TBC1D22A: variants seen among roughly 807,000 people sequenced by gnomAD.
TBC1D22A encodes the protein putative GTPase activator.
Under a neutral mutation model 60.2 loss-of-function variants are expected in TBC1D22A, and 38 were observed. The ratio of observed to expected loss-of-function variants is 0.63; its 90% confidence interval spans 0.49 to 0.83. The LOEUF (loss-of-function observed/expected upper bound fraction) is 0.83, where lower values mean the gene tolerates loss of function less well. Ranked by LOEUF, TBC1D22A falls within the 40% of genes least tolerant of loss-of-function variation. The pLI is 0.00. For synonymous variants in TBC1D22A, 302 were observed against 281.7 expected, an observed-to-expected ratio of 1.07 and a Z score of -0.72; for missense variants, 628 against 701.0, an observed-to-expected ratio of 0.90 and a Z score of 1.18.
intron 11 of TBC1D22A, among the ~76,000 whole-genome samples, chr22:47,095,597 C>T (rs1225936941): frequency 6.7e-6 from 1 of 148,842 alleles, no homozygotes; most frequent in African/African-American, 2.5e-5. Context: ...TAAGAGAACT[C>T]ATGTGGTAAG....
At chr22:46,833,890 G>C (rs1184060357) in intron 4 of TBC1D22A, among the ~76,000 whole-genome samples, 1 of 152,242 alleles carries the variant, frequency 6.6e-6, no homozygotes, top group Non-Finnish European at 1.5e-5. Flanking sequence ...ATAGGCCAGG[G>C]TGCAAGGACT....
chr22:47,121,488 A>G (rs1388325626), intron 12 of TBC1D22A, among the ~76,000 whole-genome samples: 1 of 152,220 alleles, frequency 6.6e-6, no homozygotes, highest in Non-Finnish European at 1.5e-5. Context: ...ATCTTCAAGT[A>G]ATATTTACTG....
chr22:47,147,008 T>C (rs1328330420), intron 12 of TBC1D22A, among the ~76,000 whole-genome samples: 2 of 152,116 alleles, frequency 1.3e-5, no homozygotes, highest in Non-Finnish European at 2.9e-5. Flanking sequence ...TGCACTGACA[T>C]GGTTGGGGAG....
intron 10 of TBC1D22A, among the ~76,000 whole-genome samples, chr22:47,008,760 G>A (rs2061661911): frequency 1.3e-5 from 2 of 152,212 alleles, no homozygotes; most frequent in African/African-American, 2.4e-5. Context: ...ATTGAGAGAG[G>A]CAGGAGAGCC....
intron 7 of TBC1D22A, among the ~76,000 whole-genome samples, chr22:46,904,134 T>TCTAC (rs1555937422): frequency 4.5e-5 from 3 of 66,510 alleles, no homozygotes; most frequent in African/African-American, 2.2e-4. Flanking sequence ...TATCTATCTA[T>TCTAC]CTATCTATCT....
chr22:46,979,957 A>G (rs2074448973), intron 9 of TBC1D22A, among the ~76,000 whole-genome samples: 1 of 152,068 alleles, frequency 6.6e-6, no homozygotes, highest in Non-Finnish European at 1.5e-5. Flanking sequence ...TCCCATGGGA[A>G]GAGGCATCTG....
intron 8 of TBC1D22A, among the ~76,000 whole-genome samples, chr22:46,933,073 C>G (rs148075139): frequency 7.8e-4 from 118 of 152,224 alleles, no homozygotes; most frequent in Middle Eastern, 6.8e-3. Context: ...GAGCAGGTAG[C>G]TTGCTGGCTG....
chr22:47,083,569 C>T (rs1269974629), intron 11 of TBC1D22A, among the ~76,000 whole-genome samples: 3 of 152,168 alleles, frequency 2.0e-5, no homozygotes, highest in Non-Finnish European at 4.4e-5. Flanking sequence ...AGGGCGCCGT[C>T]CTCAGTGAGG....
intron 7 of TBC1D22A, among the ~76,000 whole-genome samples, chr22:46,899,571 C>T (rs2068869802): frequency 6.6e-6 from 1 of 152,208 alleles, no homozygotes; most frequent in Non-Finnish European, 1.5e-5. Context: ...CCCGAATGTG[C>T]CTTCACAGGC....
intron 10 of TBC1D22A, among the ~76,000 whole-genome samples, chr22:47,000,349 T>A (rs2075271508): frequency 6.6e-6 from 1 of 152,042 alleles, no homozygotes. Flanking sequence ...AGGGGCTGCA[T>A]CACTCTTGTT....
chr22:46,856,303 C>T (rs982703193), intron 4 of TBC1D22A, among the ~76,000 whole-genome samples: 5 of 152,212 alleles, frequency 3.3e-5, no homozygotes, highest in Admixed American at 1.3e-4. Context: ...GTTATTGACT[C>T]TACCTGTTAA....
chr22:47,062,903 C>T lies in TBC1D22A; in HGVS notation c.1329+25705C>T, dbSNP rs192932210. On this transcript the variant is annotated intron_variant, in intron 11 of 12. Transcript: ENST00000337137. ...GGCTCATAGGACCGCACTCCACAGC[C>T]CCCCAGGCCACCATGTGCAACGAGT... Among the ~76,000 whole-genome samples, 3 of 137,626 alleles carry T rather than the reference C, an allele frequency of 2.2e-5. No individual in the cohort carries two copies. The East Asian group carries it at 6.7e-4, about 31-fold the overall frequency. The allele number at this position is 137,626 out of a possible 152,430, so 90.3% of individuals were successfully genotyped here.
chr22:46,926,615 G>A (rs575407621), intron 8 of TBC1D22A, among the ~76,000 whole-genome samples: 31 of 152,288 alleles, frequency 2.0e-4, no homozygotes, highest in Admixed American at 7.8e-4. Flanking sequence ...ATTTAAATCG[G>A]TGGACTTTGA....
intron 2 of TBC1D22A, among the ~76,000 whole-genome samples, chr22:46,792,986 C>G (rs555453955): frequency 1.3e-5 from 2 of 152,272 alleles, no homozygotes; most frequent in Non-Finnish European, 2.9e-5. Context: ...GAGTGTGGGG[C>G]TTGTGCTGGG....
At chr22:47,152,947 T>C (rs2067564802) in intron 12 of TBC1D22A, among the ~76,000 whole-genome samples, 2 of 151,558 alleles carry the variant, frequency 1.3e-5, no homozygotes, top group Admixed American at 6.6e-5. Context: ...ATTGACTGAA[T>C]AGGACAAGAA....
chr22:46,991,970 T>C (rs1205633296), intron 9 of TBC1D22A, among the ~76,000 whole-genome samples: 1 of 152,158 alleles, frequency 6.6e-6, no homozygotes, highest in Non-Finnish European at 1.5e-5. Flanking sequence ...CCAGCCCTGG[T>C]TCTGTGCTAT....
At chr22:46,860,656 C>G (rs2087822247) in intron 4 of TBC1D22A, among the ~76,000 whole-genome samples, 1 of 151,508 alleles carries the variant, frequency 6.6e-6, no homozygotes, top group South Asian at 2.1e-4. Flanking sequence ...AACCAGAATC[C>G]TTTTCGATAG....
intron 4 of TBC1D22A, among the ~76,000 whole-genome samples, chr22:46,803,416 T>C (rs192147934): frequency 7.9e-5 from 12 of 152,242 alleles, no homozygotes; most frequent in Admixed American, 7.8e-4. Flanking sequence ...TTTTCTCTCC[T>C]GTGGGCCTTG....
intron 12 of TBC1D22A, among the ~76,000 whole-genome samples, chr22:47,158,543 C>A (rs9626944): frequency 3.7e-4 from 57 of 152,162 alleles, no homozygotes; most frequent in African/African-American, 1.4e-3. Context: ...ACGGCCCACC[C>A]TCTGCACAGC....
Sources: gnomAD v4.1 joint callset for allele counts (sites outside exome capture counted in the v4.1 genomes callset) on GRCh38, gnomAD v4.1.1 for gene constraint, MANE v1.5 for transcripts, NCBI Gene and HGNC (gene_info 2026-07-23, HGNC 2026-07-21) for gene names.